The following LRP6 variants were observed in gnomAD, a reference collection of about 807,000 sequenced individuals.
The protein encoded by LRP6 is LDL receptor related protein 6.
Under a neutral mutation model 184.1 loss-of-function variants are expected in LRP6, and 43 were observed. The observed-to-expected ratio is 0.23, with a 90% CI of 0.18 to 0.30. The LOEUF is 0.30. Ranked by LOEUF, LRP6 falls within the 10% of genes least tolerant of loss-of-function variation. The probability of loss-of-function intolerance (pLI) is 1.00; values close to 1 mark genes in which losing one functional copy is unlikely to be tolerated. For synonymous variants in LRP6, 719 were observed against 684.9 expected (o/e 1.05, Z -0.78); for missense variants, 1,571 against 2,005.3 (o/e 0.78, Z 4.14).
intron 2 of LRP6, 91 bp from the exon 3 acceptor site, chr12:12,203,491 G>T: frequency 2.9e-6 from 3 of 1,050,578 alleles, no homozygotes; most frequent in Non-Finnish European, 4.4e-6. Context: ...CTCAGGCCGC[G>T]CGCAGTGGCT....
chr12:12,209,621 TAAAA>T (rs1384893763), intron 2 of LRP6, among the ~76,000 whole-genome samples: 1 of 152,166 alleles, frequency 6.6e-6, no homozygotes, highest in Non-Finnish European at 1.5e-5. Context: ...ACTTTTAAAT[TAAAA>T]AGCTCATTAC....
At chr12:12,132,692 A>C (rs1006753839) in intron 17 of LRP6, among the ~76,000 whole-genome samples, 18 of 152,222 alleles carry the variant, frequency 1.2e-4, no homozygotes, top group African/African-American at 4.1e-4. Context: ...AATTTCACTT[A>C]AGAATGTTAT....
Position 12,159,131 on chromosome 12 carries a change from T to C in LRP6, c.2489A>G (p.Asp830Gly). 6.2e-7 allele frequency: 1 copy of C among 1,614,100 alleles called. No homozygotes were observed. The change falls in exon 12 of 23, where the codon GAT (aspartate) becomes GGT (glycine). Residue 830 changes from aspartate (D) to glycine (G), a missense_variant. By Grantham distance (94) the Asp-to-Gly change is moderately conservative. This residue lies in a region of LRP6 where 158 missense variants were observed against 258.4 expected (regional missense o/e 0.61). Transcript: ENST00000261349. ...MLGLNREVIADDLPHPFGLTQ... is the reference protein window; with the variant it reads ...MLGLNREVIAGDLPHPFGLTQ... ...TAAGCCAAAAGGATGAGGCAAGTCA[T>C]CTGCTATAACTTCACGGTTGAGCCC...
intron 12 of LRP6, among the ~76,000 whole-genome samples, chr12:12,153,416 A>G (rs1176288406): frequency 6.6e-6 from 1 of 152,134 alleles, no homozygotes; most frequent in Non-Finnish European, 1.5e-5. Context: ...GGCTCCTAGG[A>G]TATTTTGCTG....
At chr12:12,231,371 A>G (rs1368494446) in intron 2 of LRP6, among the ~76,000 whole-genome samples, 1 of 152,052 alleles carries the variant, frequency 6.6e-6, no homozygotes, top group Non-Finnish European at 1.5e-5. Context: ...AGAACAATGA[A>G]GTAGAAAGAT....
intron 1 of LRP6, among the ~76,000 whole-genome samples, chr12:12,248,749 G>A (rs1404750441): frequency 1.3e-5 from 2 of 151,946 alleles, no homozygotes; most frequent in Non-Finnish European, 2.9e-5. Flanking sequence ...CAAAGTGCTG[G>A]GATTACAGGC....
At chr12:12,167,996 C>T (rs562084496) in intron 7 of LRP6, among the ~76,000 whole-genome samples, 6 of 152,110 alleles carry the variant, frequency 3.9e-5, no homozygotes, top group African/African-American at 1.4e-4. Flanking sequence ...TTTCCTACTC[C>T]CATTTTTATT....
intron 4 of LRP6, among the ~76,000 whole-genome samples, chr12:12,185,217 T>G (rs1460864531): frequency 6.6e-6 from 1 of 152,134 alleles, no homozygotes; most frequent in Non-Finnish European, 1.5e-5. Context: ...AAAGATCACT[T>G]GAGCCTGGAA....
At chr12:12,214,486 A>C (rs10083170) in intron 2 of LRP6, among the ~76,000 whole-genome samples, 13,546 of 152,230 alleles carry the variant, frequency 0.089, 646 homozygotes, top group Admixed American at 0.11. Flanking sequence ...TAAGAACCTG[A>C]AGTCTTTAAT....
intron 3 of LRP6, among the ~76,000 whole-genome samples, chr12:12,189,146 T>C (rs988116635): frequency 3.3e-5 from 5 of 152,240 alleles, no homozygotes; most frequent in African/African-American, 4.8e-5. Flanking sequence ...ATTCATTTTA[T>C]ATATTAATTG....
Position 12,133,331 on chromosome 12 carries a change from G to T in LRP6, c.3734-1274C>A, listed in dbSNP as rs144928099. The stretch of plus-strand genomic sequence containing the variant: ...CTGGTGGGAAGTGTTTGGATCATGG[G>T]GGGTAGATCCCTCATGCCTTGGTGC... On this transcript the variant is annotated intron_variant, in intron 17 of 22. Coordinates refer to ENST00000261349, the MANE Select transcript of LRP6 (RefSeq NM_002336.3). Among the ~76,000 whole-genome samples, 7 of 152,264 alleles carry T rather than the reference G, an allele frequency of 4.6e-5. No individual in the cohort carries two copies. The East Asian group carries it at 7.7e-4, about 17-fold the overall frequency.
chr12:12,230,644 T>C (rs1434552445), intron 2 of LRP6, among the ~76,000 whole-genome samples: 2 of 152,180 alleles, frequency 1.3e-5, no homozygotes, highest in East Asian at 1.9e-4. Context: ...TCAACTATCA[T>C]GCACATGGTA....
At chr12:12,253,291 C>T (rs1381562855) in intron 1 of LRP6, among the ~76,000 whole-genome samples, 2 of 152,134 alleles carry the variant, frequency 1.3e-5, no homozygotes, top group East Asian at 3.9e-4. Context: ...TAAAGTTAAT[C>T]ATTACGCTTA....
chr12:12,202,732 T>C (rs1863948848), intron 3 of LRP6, among the ~76,000 whole-genome samples: 1 of 152,204 alleles, frequency 6.6e-6, no homozygotes, highest in Non-Finnish European at 1.5e-5. Flanking sequence ...TAGAGTTTTA[T>C]CAAAGTTCCA....
chr12:12,248,915 G>A, intron 1 of LRP6: 1 of 372,816 alleles, frequency 2.7e-6, no homozygotes, highest in Non-Finnish European at 4.9e-6. Context: ...CCTATATATA[G>A]GTATCCTAAG....
rs548935195 is a variant in LRP6 at position 12,184,025 on chromosome 12, G to C, written c.931C>G (p.Pro311Ala). The C allele has an allele frequency of 1.9e-6, 3 of 1,613,436 alleles. No individual in the cohort carries two copies. The South Asian group carries it at 3.3e-5, about 18-fold the overall frequency. The change falls in exon 5 of 23, where the codon CCC becomes GCC. Residue 311 changes from proline (P) to alanine (A), a missense_variant. Physicochemically the swap from Pro to Ala is conservative, Grantham distance 27. Coordinates refer to ENST00000261349, the MANE Select transcript of LRP6 (RefSeq NM_002336.3). ...TTCTCCAGGAGTTTGACCCCAGTGGGGCAAGCACACTGATAAAAAGGCTTG... is the reference window on the plus strand; with the variant it reads ...TTCTCCAGGAGTTTGACCCCAGTGGCGCAAGCACACTGATAAAAAGGCTTG... ...PVKPFYQCAC[P>A]TGVKLLENGK...
At chr12:12,209,024 T>A in intron 2 of LRP6, among the ~76,000 whole-genome samples, 1 of 152,316 alleles carries the variant, frequency 6.6e-6, no homozygotes, top group South Asian at 2.1e-4. Context: ...AACAAACAAG[T>A]GTAGAGAAAT....
intron 1 of LRP6, among the ~76,000 whole-genome samples, chr12:12,245,996 C>CCTTT (rs1865173845): frequency 1.1e-5 from 1 of 90,186 alleles, no homozygotes; most frequent in African/African-American, 4.1e-5. Flanking sequence ...TTTATATAAA[C>CCTTT]TTTTTTTTTT....
chr12:12,133,355 G>A (rs2136869036), intron 17 of LRP6, among the ~76,000 whole-genome samples: 1 of 152,204 alleles, frequency 6.6e-6, no homozygotes, highest in South Asian at 2.1e-4. Flanking sequence ...ATGCCTTGGT[G>A]CTATCCTCCT....
Sources: allele counts gnomAD v4.1 joint callset (sites outside exome capture counted in the v4.1 genomes callset), GRCh38; gene constraint gnomAD v4.1.1; regional missense constraint gnomAD v4.1.1; transcripts MANE v1.5; gene names NCBI Gene and HGNC (gene_info 2026-07-23, HGNC 2026-07-21).